UBR1: variants seen among roughly 807,000 people sequenced by gnomAD.
UBR1 encodes ubiquitin protein ligase E3 component n-recognin 1.
In UBR1, 102 loss-of-function variants were observed where a neutral mutation model predicts 242.1. The ratio of observed to expected loss-of-function variants is 0.42; its 90% CI spans 0.36 to 0.50. The LOEUF is 0.50. Ranked by LOEUF, UBR1 falls within the 20% of genes least tolerant of loss-of-function variation. UBR1 has a pLI of 0.01. For missense variants in UBR1, 1,772 were observed against 2,101.8 expected (o/e 0.84, Z 3.07); for synonymous variants, 675 against 684.8 (o/e 0.99, Z 0.22).
rs781148644 is a variant in UBR1, at chr15:42,958,100, A to T, written c.4758-10T>A. ...TCTTTTTCTAGGGTACCTACAATGT[A>T]ATTTAAAAGGCAATTTTATTTTAGA... On this transcript the variant is annotated splice_polypyrimidine_tract_variant and intron_variant, in intron 43 of 46. Transcript: ENST00000290650. 4.9e-5 allele frequency: 78 copies of T among 1,603,568 alleles called. No homozygotes were observed. The highest frequency in any genetic ancestry group is 6.7e-5 in the Admixed American group (4 of 59,952).
At chr15:43,055,876 T>C (rs1012487711) in intron 11 of UBR1, among the ~76,000 whole-genome samples, 7 of 152,006 alleles carry the variant, frequency 4.6e-5, no homozygotes, top group African/African-American at 9.7e-5. Context: ...GGTCGTCCCA[T>C]TGCACTCCAG....
At chr15:42,973,437 G>A (rs111896181) in intron 39 of UBR1, among the ~76,000 whole-genome samples, 4 of 151,932 alleles carry the variant, frequency 2.6e-5, no homozygotes, top group East Asian at 1.9e-4. Context: ...CTGGGACTAC[G>A]GGTGTGCACA....
chr15:43,042,391 C>G (rs991397713), intron 15 of UBR1, among the ~76,000 whole-genome samples: 7 of 152,008 alleles, frequency 4.6e-5, no homozygotes, highest in Admixed American at 3.3e-4. Context: ...CAACATAAAC[C>G]TGAGGACATT....
chr15:43,017,279 A>C, intron 27 of UBR1, 98 bp from the exon 28 acceptor site: 2 of 829,652 alleles, frequency 2.4e-6, no homozygotes, highest in Non-Finnish European at 4.0e-6. Context: ...TCATATCTCC[A>C]AATGTCTTTC....
At chr15:42,966,858 C>CA (rs990294634) in intron 40 of UBR1, among the ~76,000 whole-genome samples, 1 of 151,784 alleles carries the variant, frequency 6.6e-6, no homozygotes, top group Non-Finnish European at 1.5e-5. Context: ...AAGAGGCAAC[C>CA]AAAAAATCTA....
At chr15:43,029,176 A>C (rs2033220516) in intron 21 of UBR1, among the ~76,000 whole-genome samples, 3 of 151,760 alleles carry the variant, frequency 2.0e-5, no homozygotes, top group Non-Finnish European at 4.4e-5. Context: ...TTGACAGCAC[A>C]AATAAGTATA....
At chr15:43,047,572 T>A (rs760427337) in intron 13 of UBR1, among the ~76,000 whole-genome samples, 1 of 152,214 alleles carries the variant, frequency 6.6e-6, no homozygotes, top group Non-Finnish European at 1.5e-5. Context: ...TAAATGCAGT[T>A]CTTGTCAATT....
At chr15:42,976,241 G>C (rs1028550835) in intron 39 of UBR1, among the ~76,000 whole-genome samples, 1 of 152,158 alleles carries the variant, frequency 6.6e-6, no homozygotes, top group African/African-American at 2.4e-5. Context: ...TGAGGACAAA[G>C]GAGCAGAGAG....
rs1293482674 is a variant in UBR1 at position 43,068,023 on chromosome 15, T to G, written c.673A>C (p.Arg225=). The G allele has an allele frequency of 8.1e-6, 13 of 1,608,984 alleles. No homozygotes were observed. The Middle Eastern group carries it at 5.0e-4, about 62-fold the overall frequency. The part of the protein sequence containing the change: ...PELQIREKNE[R]YYCVLFNDEH... Reference sequence around the variant, plus strand: ...TCATTGAAAAGGACACAATAGTATCTTTCATTTTTCTCCCTGTTAGAAAAA... The same window carrying G: ...TCATTGAAAAGGACACAATAGTATCGTTCATTTTTCTCCCTGTTAGAAAAA... Residue 225 remains arginine, a synonymous_variant, in exon 6 of 47, where the codon AGA becomes CGA. Transcript: ENST00000290650.
chr15:43,078,341 A>C (rs1477516272), intron 3 of UBR1, among the ~76,000 whole-genome samples: 1 of 152,168 alleles, frequency 6.6e-6, no homozygotes, highest in African/African-American at 2.4e-5. Context: ...ATTCTATAGA[A>C]ATGAGAGAGA....
chr15:43,078,990 T>C (rs909848841), intron 3 of UBR1, among the ~76,000 whole-genome samples: 8 of 151,798 alleles, frequency 5.3e-5, no homozygotes, highest in African/African-American at 1.5e-4. Flanking sequence ...ATCCAAAATA[T>C]AGACTCAAAT....
chr15:43,015,757 G>A lies in UBR1; in HGVS notation c.3140C>T (p.Thr1047Ile), dbSNP rs1477505340. ...MSALQKNFIE[T>I]HKLMYDNTSE... ...TGTATTGTCATACATGAGTTTATGA[G>A]TTTCAATGAAGTTTTTCTGTAAGGC... The change falls in exon 29 of 47, where the codon ACT becomes ATT. Residue 1047 changes from threonine (T) to isoleucine (I), a missense_variant. Around this residue, in one of 3 missense-constraint regions of UBR1, gnomAD observed 965 missense variants for 1,079.7 expected, o/e 0.89. Transcript: ENST00000290650. 3 of 1,614,086 alleles carry A rather than the reference G, an allele frequency of 1.9e-6. No individual in the cohort carries two copies. The highest frequency in any genetic ancestry group is 2.5e-6 in the Non-Finnish European group (3 of 1,180,006).
chr15:42,957,804 C>T (rs2031948019), intron 44 of UBR1, among the ~76,000 whole-genome samples: 1 of 151,932 alleles, frequency 6.6e-6, no homozygotes, highest in Non-Finnish European at 1.5e-5. Flanking sequence ...GAGTTTGAGG[C>T]TGCAGTGAGC....
chr15:43,059,057 C>G (rs1457238008), intron 9 of UBR1, 28 bp downstream of exon 9: 4 of 1,573,012 alleles, frequency 2.5e-6, no homozygotes, highest in Non-Finnish European at 3.5e-6. Context: ...TGCTTCCTGA[C>G]AAACAGCATA....
chr15:42,950,452 G>T, intron 45 of UBR1, 89 bp from the exon 46 acceptor site: 2 of 1,087,532 alleles, frequency 1.8e-6, no homozygotes, highest in Non-Finnish European at 2.8e-6. Context: ...GAAAAGACGT[G>T]GCCAATATCT....
In UBR1 at chr15:43,003,872, G is replaced by C; in HGVS notation, c.3474C>G (p.Ser1158Arg). The change falls in exon 31 of 47, where the codon AGC (serine) becomes AGG (arginine). Residue 1158 changes from serine to arginine, a missense_variant. This residue lies in a region of UBR1 where 965 missense variants were observed against 1,079.7 expected (regional missense o/e 0.89). Transcript: ENST00000290650. Reference protein sequence around the residue: ...PDLAYGTYTGSCGHVMHAVCW... With the variant: ...PDLAYGTYTGRCGHVMHAVCW... ...ACACTGCGTGCATTACATGACCACA[G>C]CTTCCTGTATAAGTTCCATATGCCA... 1 of 1,614,122 alleles carries C rather than the reference G, an allele frequency of 6.2e-7. No individual in the cohort carries two copies. The highest frequency in any genetic ancestry group is 8.5e-7 in the Non-Finnish European group (1 of 1,180,010).
chr15:42,976,834 A>C lies in UBR1; in HGVS notation c.4252T>G (p.Trp1418Gly). 6.2e-7 allele frequency: 1 copy of C among 1,614,098 alleles called. No individual in the cohort carries two copies. Among genetic ancestry groups the C allele is most frequent in the Non-Finnish European group, 8.5e-7 (1 of 1,179,982 alleles). ...GAVLAFPSLYWDDPVDLQPSS... is the reference protein window; with the variant it reads ...GAVLAFPSLYGDDPVDLQPSS... ...GGCTGCAGATCAACAGGGTCATCCCAATACAAGGATGGGAATGCTAACACA... is the reference window on the plus strand; with the variant it reads ...GGCTGCAGATCAACAGGGTCATCCCCATACAAGGATGGGAATGCTAACACA... The change falls in exon 39 of 47, where the codon TGG (tryptophan) becomes GGG (glycine). Residue 1418 changes from tryptophan to glycine, a missense_variant. By Grantham distance (184) the Trp-to-Gly change is radical. Around this residue, in one of 3 missense-constraint regions of UBR1, gnomAD observed 965 missense variants for 1,079.7 expected, o/e 0.89. Coordinates refer to ENST00000290650, the MANE Select transcript of UBR1 (RefSeq NM_174916.3).
chr15:43,033,044 T>C (rs1285129858), intron 19 of UBR1, among the ~76,000 whole-genome samples: 1 of 152,206 alleles, frequency 6.6e-6, no homozygotes, highest in Non-Finnish European at 1.5e-5. Context: ...ATACTGATTT[T>C]CACTAAGTAT....
chr15:43,071,009 C>T, intron 4 of UBR1, 84 bp from the exon 5 acceptor site: 1 of 1,536,960 alleles, frequency 6.5e-7, no homozygotes, highest in Non-Finnish European at 8.9e-7. Context: ...TTAAAATAAT[C>T]ACTTTGCTGA....
Sources: allele counts gnomAD v4.1 joint callset (sites outside exome capture counted in the v4.1 genomes callset), GRCh38; gene constraint gnomAD v4.1.1; regional missense constraint gnomAD v4.1.1; transcripts MANE v1.5; gene names NCBI Gene and HGNC (gene_info 2026-07-23, HGNC 2026-07-21).